The following TMEM236 variants were observed in gnomAD, a reference collection of about 807,000 sequenced individuals.
TMEM236 encodes transmembrane protein 236.
TMEM236 carries 11 observed loss-of-function variants against 14.7 expected under a neutral mutation model. The ratio of observed to expected loss-of-function variants is 0.75; its 90% confidence interval spans 0.47 to 1.24. The LOEUF (loss-of-function observed/expected upper bound fraction) is 1.24. Among genes scored for constraint, TMEM236 ranks in the 50% most tolerant of loss-of-function variants. The pLI is 0.00. For synonymous variants in TMEM236, 182 were observed against 168.6 expected, an observed-to-expected ratio of 1.08 and a Z score of -0.62; for missense variants, 464 against 427.3, an observed-to-expected ratio of 1.09 and a Z score of -0.76.
Position 17,779,800 on chromosome 10 carries a change from T to C in TMEM236, c.472+3630T>C, listed in dbSNP as rs916615914. On this transcript the variant is annotated intron_variant, in intron 3 of 3. Coordinates refer to ENST00000377495, the MANE Select transcript of TMEM236 (RefSeq NM_001098844.3). ...CCTGACTACCTTGCTGCATCTGCTT[T>C]GCACTCAGCTTTTCACTCTCACGTG... Among the ~76,000 whole-genome samples the C allele has an allele frequency of 1.8e-3, 276 of 152,282 alleles. 1 individual carries two copies. The highest frequency in any genetic ancestry group is 6.4e-3 in the African/African-American group (266 of 41,568).
Position 17,798,566 on chromosome 10 carries a change from G to T in TMEM236, c.*2062G>T. 1 of 534,332 alleles carries T rather than the reference G, an allele frequency of 1.9e-6. No individual in the cohort carries two copies. Among genetic ancestry groups the T allele is most frequent in the South Asian group, 1.4e-5 (1 of 71,558 alleles). 33.1% of individuals were successfully genotyped at this position (534,332 alleles called of 1,614,324 possible). On this transcript the variant is annotated 3_prime_UTR_variant, in exon 4 of 4. Coordinates refer to ENST00000377495, the MANE Select transcript of TMEM236 (RefSeq NM_001098844.3). ...AAAATAAAAGAGAATTTGACGTTGT[G>T]TTATTCTACGCTCCACCAAATACCT...
intron 3 of TMEM236, among the ~76,000 whole-genome samples, chr10:17,793,244 C>T (rs1434785895): frequency 6.6e-6 from 1 of 152,174 alleles, no homozygotes; most frequent in Non-Finnish European, 1.5e-5. Flanking sequence ...AAGACTCTCC[C>T]TGACTGTTTA....
intron 2 of TMEM236, among the ~76,000 whole-genome samples, chr10:17,772,518 T>C (rs1666825166): frequency 6.6e-6 from 1 of 152,248 alleles, no homozygotes; most frequent in Admixed American, 6.5e-5. Context: ...TGATGGCATA[T>C]CTGGAGCTCG....
Position 17,769,107 on chromosome 10 carries a change from T to A in TMEM236, c.258-2202T>A, listed in dbSNP as rs1165686908. ...ATTGGAGCAGTGACAAGACGTGTTT[T>A]ACATTTTAAAAGCATGACTTCATTT... On this transcript the variant is annotated intron_variant, in intron 1 of 3. Coordinates refer to ENST00000377495, the MANE Select transcript of TMEM236 (RefSeq NM_001098844.3). 2.0e-5 allele frequency among the ~76,000 whole-genome samples: 3 copies of A among 150,868 alleles called. No individual in the cohort carries two copies. The East Asian group carries it at 5.8e-4, about 29-fold the overall frequency.
intron 1 of TMEM236, among the ~76,000 whole-genome samples, chr10:17,771,085 A>G (rs1837564156): frequency 6.6e-6 from 1 of 152,164 alleles, no homozygotes; most frequent in Non-Finnish European, 1.5e-5. Context: ...TGGTTTGCTA[A>G]TTATTTGGAA....
intron 1 of TMEM236, among the ~76,000 whole-genome samples, chr10:17,753,752 G>T (rs1554833564): frequency 6.6e-6 from 1 of 152,112 alleles, no homozygotes; most frequent in East Asian, 1.9e-4. Context: ...ATATTCCTTT[G>T]GGTATATACC....
intron 1 of TMEM236, among the ~76,000 whole-genome samples, chr10:17,756,753 C>A (rs1415044094): frequency 6.6e-6 from 1 of 152,208 alleles, no homozygotes; most frequent in Non-Finnish European, 1.5e-5. Flanking sequence ...TACTTCTAGC[C>A]ACTGTCCCAA....
intron 1 of TMEM236, among the ~76,000 whole-genome samples, chr10:17,765,383 A>G (rs1014006346): frequency 6.6e-6 from 1 of 152,154 alleles, no homozygotes; most frequent in African/African-American, 2.4e-5. Context: ...AGTCCTAATC[A>G]TCCCAGCATC....
rs942807084 is a variant in TMEM236, at chr10:17,798,511, A to G, written c.*2007A>G. On this transcript the variant is annotated 3_prime_UTR_variant, in exon 4 of 4. Transcript: ENST00000377495. ...CTATGATCATGCCACTGCACTCCAG[A>G]CTGGGCAACAGAGTGACACCCATCT... is the stretch of plus-strand genomic sequence containing the variant. 6 of 529,584 alleles carry G rather than the reference A, an allele frequency of 1.1e-5. No individual in the cohort carries two copies. The East Asian group carries it at 3.3e-4, about 29-fold the overall frequency. 32.8% of individuals were successfully genotyped at this position (529,584 alleles called of 1,614,324 possible). A position where few individuals can be genotyped will look rare whatever the true frequency, so the allele number is the denominator to read the frequency against.
intron 3 of TMEM236, among the ~76,000 whole-genome samples, chr10:17,780,281 A>T (rs896215547): frequency 6.6e-6 from 1 of 152,016 alleles, no homozygotes; most frequent in African/African-American, 2.4e-5. Context: ...AATCCTTGCC[A>T]TCGTTAGAGT....
intron 3 of TMEM236, 82 bp from the exon 4 acceptor site, chr10:17,795,839 T>A (rs1272985497): frequency 7.2e-7 from 1 of 1,394,944 alleles, no homozygotes. Context: ...CACCTTTAAA[T>A]GGAATTTTAA....
At chr10:17,770,542 C>T (rs1837553028) in intron 1 of TMEM236, among the ~76,000 whole-genome samples, 1 of 152,140 alleles carries the variant, frequency 6.6e-6, no homozygotes, top group Admixed American at 6.5e-5. Flanking sequence ...CGCCACCACG[C>T]CCGGCTAATA....
At chr10:17,787,463 A>T (rs1837856414) in intron 3 of TMEM236, among the ~76,000 whole-genome samples, 1 of 152,228 alleles carries the variant, frequency 6.6e-6, no homozygotes, top group Non-Finnish European at 1.5e-5. Context: ...GACTCTGTGC[A>T]GAGCTCCACA....
In TMEM236 at chr10:17,800,675, C is replaced by G. The variant is rs996455767; in HGVS notation, c.*4171C>G. The G allele has an allele frequency of 6.6e-6, 1 of 152,032 alleles. No individual in the cohort carries two copies. 9.4% of individuals were successfully genotyped at this position (152,032 alleles called of 1,614,324 possible). On this transcript the variant is annotated 3_prime_UTR_variant, in exon 4 of 4. Transcript: ENST00000377495. ...CTGTGTACCTTGGAGCAGGGCCTTACATAGTGAATATATCAATAGTTGTTC... is the reference window on the plus strand; with the variant it reads ...CTGTGTACCTTGGAGCAGGGCCTTAGATAGTGAATATATCAATAGTTGTTC...
chr10:17,776,150 C>T lies in TMEM236; in HGVS notation c.452C>T (p.Pro151Leu), dbSNP rs1837656086. Residue 151 changes from proline (P) to leucine (L), a missense_variant, in exon 3 of 4, where the codon CCT (proline) becomes CTT (leucine). Coordinates refer to ENST00000377495, the MANE Select transcript of TMEM236 (RefSeq NM_001098844.3). ...VDIIEKLRIYPLRGSQKSSEN... is the reference protein window; with the variant it reads ...VDIIEKLRIYLLRGSQKSSEN... ...ATTATTGAAAAACTCAGGATATATCCTCTTAGAGGGAGTCAAAAGAGTAAG... is the reference window on the plus strand; with the variant it reads ...ATTATTGAAAAACTCAGGATATATCTTCTTAGAGGGAGTCAAAAGAGTAAG... 2 of 1,613,178 alleles carry T rather than the reference C, an allele frequency of 1.2e-6. No homozygotes were observed. The highest frequency in any genetic ancestry group is 1.7e-6 in the Non-Finnish European group (2 of 1,179,276).
At chr10:17,759,664 G>A (rs140882483) in intron 1 of TMEM236, among the ~76,000 whole-genome samples, 3 of 151,786 alleles carry the variant, frequency 2.0e-5, no homozygotes, top group South Asian at 2.1e-4. Flanking sequence ...GTTGATTTGC[G>A]AATCTTGATA....
rs993350408 is a variant in TMEM236 at position 17,775,910 on chromosome 10, T to A, written c.331-119T>A. On this transcript the variant is annotated intron_variant, in intron 2 of 3. Coordinates refer to ENST00000377495, the MANE Select transcript of TMEM236 (RefSeq NM_001098844.3). Reference sequence around the variant, plus strand: ...AAACCTGATGAGTTAAAAACCAACCTTCTAGTTTTTTAGTAAATGTAATTA... The same window carrying A: ...AAACCTGATGAGTTAAAAACCAACCATCTAGTTTTTTAGTAAATGTAATTA... 7 of 1,331,760 alleles carry A rather than the reference T, an allele frequency of 5.3e-6. No homozygotes were observed. The South Asian group carries it at 8.6e-5, about 16-fold the overall frequency. 82.5% of individuals were successfully genotyped at this position (1,331,760 alleles called of 1,614,324 possible).
At chr10:17,774,942 C>T (rs1013682807) in intron 2 of TMEM236, among the ~76,000 whole-genome samples, 4,872 of 152,150 alleles carry the variant, frequency 0.032, 206 homozygotes, top group East Asian at 0.21. Context: ...GGACCACTGG[C>T]ATGTGCCACC....
At chr10:17,758,657 T>C (rs1837315633) in intron 1 of TMEM236, among the ~76,000 whole-genome samples, 1 of 152,242 alleles carries the variant, frequency 6.6e-6, no homozygotes, top group South Asian at 2.1e-4. Context: ...GACCTCAAAC[T>C]GAATTTACTA....
Sources: allele counts gnomAD v4.1 joint callset (sites outside exome capture counted in the v4.1 genomes callset), GRCh38; gene constraint gnomAD v4.1.1; transcripts MANE v1.5; gene names NCBI Gene and HGNC (gene_info 2026-07-23, HGNC 2026-07-21).